The following AKT1 variants were observed in gnomAD, a reference collection of about 807,000 sequenced individuals.
AKT1 encodes RAC-alpha serine/threonine-protein kinase.
AKT1 carries 21 observed loss-of-function variants against 63.1 expected under a neutral mutation model. The observed-to-expected ratio is 0.33, with a 90% CI of 0.24 to 0.48. AKT1 has a LOEUF of 0.48. Among genes scored for constraint, AKT1 ranks in the 20% least tolerant of loss-of-function variants. The probability of loss-of-function intolerance (pLI) is 0.99; values close to 1 mark genes in which losing one functional copy is unlikely to be tolerated. For missense variants in AKT1, 382 were observed against 666.0 expected (o/e 0.57, Z 4.69); for synonymous variants, 257 against 253.1 (o/e 1.02, Z -0.15).
At chr14:104,791,250 G>A (rs1223461575) in intron 3 of AKT1, among the ~76,000 whole-genome samples, 1 of 152,170 alleles carries the variant, frequency 6.6e-6, no homozygotes, top group Non-Finnish European at 1.5e-5. Flanking sequence ...AACAGGGCCA[G>A]GGTCGGGGCA....
At position 104,770,866 on chromosome 14, in the gene AKT1, G is replaced by A. The variant is rs1443985201; in HGVS notation, c.1261-19C>T. On this transcript the variant is annotated intron_variant, in intron 13 of 14. Transcript: ENST00000649815. The stretch of plus-strand genomic sequence containing the variant: ...GGCTGAGCTGCAGAGGTGGGCAGAC[G>A]GGACAGTCATGAGCTTCGCTCCCCA... 10 of 1,609,618 alleles carry A rather than the reference G, an allele frequency of 6.2e-6. No individual in the cohort carries two copies. Among genetic ancestry groups the A allele is most frequent in the East Asian group, 2.2e-5 (1 of 44,774 alleles).
chr14:104,788,321 G>A (rs1046940383), intron 3 of AKT1, among the ~76,000 whole-genome samples: 5 of 152,174 alleles, frequency 3.3e-5, no homozygotes, highest in African/African-American at 4.8e-5. Flanking sequence ...GAGAGTCTGC[G>A]GGCTCCCTCC....
chr14:104,771,220 G>T (rs960896460), intron 13 of AKT1: 97 of 309,950 alleles, frequency 3.1e-4, no homozygotes, highest in African/African-American at 1.9e-3. Flanking sequence ...TGTAAATTGG[G>T]AAAGAGGGAG....
chr14:104,775,640 G>C lies in AKT1; in HGVS notation c.435+12C>G. ...AGCCCCAGGCACAGGCAGAAGTGGG[G>C]ACAGGCCTCACCACGCGGTGCTTGG... On this transcript the variant is annotated intron_variant, in intron 6 of 14. Transcript: ENST00000649815. 1 of 1,613,494 alleles carries C rather than the reference G, an allele frequency of 6.2e-7. No individual in the cohort carries two copies. The highest frequency in any genetic ancestry group is 8.5e-7 in the Non-Finnish European group (1 of 1,179,708).
At chr14:104,775,833 C>T (rs770820273) in intron 5 of AKT1, 34 bp from the exon 6 acceptor site, 2 of 1,607,090 alleles carry the variant, frequency 1.2e-6, no homozygotes, top group Non-Finnish European at 1.7e-6. Context: ...CAGGCCTGTA[C>T]CAGATCAGGA....
At chr14:104,792,417 C>G (rs1893674687) in intron 3 of AKT1, among the ~76,000 whole-genome samples, 181 bp downstream of exon 3, 1 of 152,268 alleles carries the variant, frequency 6.6e-6, no homozygotes, top group African/African-American at 2.4e-5. Flanking sequence ...CCTGGCCTCC[C>G]CGAGGCCGTG....
At position 104,795,707 on chromosome 14, in the gene AKT1, G is replaced by A. The variant is rs1218868701; in HGVS notation, c.-481C>T. The A allele has an allele frequency of 1.1e-3, 158 of 146,434 alleles. No homozygotes were observed. Among genetic ancestry groups the A allele is most frequent in the African/African-American group, 3.8e-3 (153 of 40,702 alleles). The allele number at this position is 146,434 out of a possible 1,614,324, so 9.1% of individuals were successfully genotyped here. On this transcript the variant is annotated 5_prime_UTR_variant, in exon 1 of 15. Transcript: ENST00000649815. The surrounding 1 kb of genome is among the most constrained non-coding windows in gnomAD (Gnocchi z 5.1). ...CTCCCGTCTTCGGGCCGCGCTGCGT[G>A]CGCTGGGCCAGCCGCCTGCCGCGCT... is the stretch of plus-strand genomic sequence containing the variant.
At chr14:104,789,879 G>A (rs1893536387) in intron 3 of AKT1, among the ~76,000 whole-genome samples, 1 of 152,190 alleles carries the variant, frequency 6.6e-6, no homozygotes, top group African/African-American at 2.4e-5. Context: ...GTCCACACAG[G>A]CCTGCAGCCG....
At chr14:104,779,541 C>T (rs1892909499) in intron 4 of AKT1, among the ~76,000 whole-genome samples, 1 of 152,170 alleles carries the variant, frequency 6.6e-6, no homozygotes, top group Non-Finnish European at 1.5e-5. Context: ...TCTGCTGCCA[C>T]TTGTCCGGAC....
In AKT1 at chr14:104,772,809, C is replaced by G. The variant is rs3803304; in HGVS notation, c.1172+69G>C. On this transcript the variant is annotated intron_variant, in intron 12 of 14. Coordinates refer to ENST00000649815, the MANE Select transcript of AKT1 (RefSeq NM_001382430.1). Reference sequence around the variant, plus strand: ...TGGGAGGTGCCAGGACCGCCTGGCGCAGGGGCAGGTGCAGCCTGGGGATGA... The same window carrying G: ...TGGGAGGTGCCAGGACCGCCTGGCGGAGGGGCAGGTGCAGCCTGGGGATGA... 0.25 allele frequency: 381,321 copies of G among 1,504,962 alleles called. 49,713 individuals carry two copies. Among genetic ancestry groups the G allele is most frequent in the South Asian group, 0.31 (25,399 of 81,440 alleles). 93.2% of individuals were successfully genotyped at this position (1,504,962 alleles called of 1,614,324 possible).
At chr14:104,790,331 A>G (rs1284071611) in intron 3 of AKT1, among the ~76,000 whole-genome samples, 1 of 152,160 alleles carries the variant, frequency 6.6e-6, no homozygotes, top group Non-Finnish European at 1.5e-5. Flanking sequence ...CCTGGAGGAC[A>G]GTCACTGCGT....
chr14:104,775,431 A>G, intron 6 of AKT1: 2 of 1,087,222 alleles, frequency 1.8e-6, no homozygotes, highest in Non-Finnish European at 2.6e-6. Flanking sequence ...GTGGGGTAAC[A>G]TTGCCCAAGC....
At position 104,773,332 on chromosome 14, in the gene AKT1, G is replaced by A. The variant is rs761942512; in HGVS notation, c.876C>T (p.Asp292=). The A allele has an allele frequency of 2.3e-5, 37 of 1,614,088 alleles. No homozygotes were observed. The Admixed American group carries it at 6.0e-4, about 26-fold the overall frequency. The change falls in exon 11 of 15, where the codon GAC becomes GAT. Residue 292 remains aspartate (D), a synonymous_variant. Coordinates refer to ENST00000649815, the MANE Select transcript of AKT1 (RefSeq NM_001382430.1). The part of the protein sequence containing the change: ...LDKDGHIKIT[D]FGLCKEGIKD... ...TGATCCCCTCCTTGCACAGCCCGAAGTCTGTGATCTTAATGTGCCCGTCCT... is the reference window on the plus strand; with the variant it reads ...TGATCCCCTCCTTGCACAGCCCGAAATCTGTGATCTTAATGTGCCCGTCCT...
At chr14:104,773,794 A>G (rs1595243104) in intron 9 of AKT1, 118 bp downstream of exon 9, 1 of 1,242,112 alleles carries the variant, frequency 8.1e-7, no homozygotes, top group Non-Finnish European at 1.1e-6. Flanking sequence ...CACACCACCC[A>G]CCCAGCAGGG....
chr14:104,771,209 T>C (rs1485382092), intron 13 of AKT1: 1 of 305,772 alleles, frequency 3.3e-6, no homozygotes, highest in Non-Finnish European at 6.2e-6. Context: ...ATTGGTCTTC[T>C]TGTAAATTGG....
rs1455278532 is a variant in AKT1 at position 104,786,628 on chromosome 14, CCA to C, written c.46+5968_46+5969del. Among the ~76,000 whole-genome samples, 4 of 152,356 alleles carry C rather than the reference CCA, an allele frequency of 2.6e-5. 1 individual carries two copies. In the South Asian group the frequency reaches 6.2e-4, roughly 24 times the overall value. The stretch of plus-strand genomic sequence containing the variant: ...CCACACCGACCATGGGAAGCACCCG[CCA>C]CAGAGGGGCCTTCCATCTCCCCACC... On this transcript the variant is annotated intron_variant, in intron 3 of 14. Transcript: ENST00000649815.
intron 3 of AKT1, among the ~76,000 whole-genome samples, chr14:104,788,294 T>C (rs1893437374): frequency 6.6e-6 from 1 of 152,030 alleles, no homozygotes; most frequent in Non-Finnish European, 1.5e-5. Context: ...AGCCCAAAGG[T>C]TCCCACAGGC....
intron 5 of AKT1, 23 bp downstream of exon 5, chr14:104,776,636 C>A (rs2140929101): frequency 2.5e-6 from 4 of 1,605,244 alleles, no homozygotes; most frequent in Non-Finnish European, 3.4e-6. Context: ...AAGTGCCTGG[C>A]CTGGCCGCCA....
chr14:104,791,900 G>A (rs1893649079), intron 3 of AKT1, among the ~76,000 whole-genome samples: 1 of 152,244 alleles, frequency 6.6e-6, no homozygotes. Context: ...CAGGACAGAG[G>A]AGCAAAACAG....
Sources: gnomAD v4.1 joint callset for allele counts (sites outside exome capture counted in the v4.1 genomes callset) on GRCh38, gnomAD v4.1.1 for gene constraint, Gnocchi (gnomAD v3.1) non-coding constraint, MANE v1.5 for transcripts, NCBI Gene and HGNC (gene_info 2026-07-23, HGNC 2026-07-21) for gene names.